The following ST18 variants were observed in gnomAD, a reference collection of about 807,000 sequenced individuals.
ST18 encodes the protein ST18 C2H2C-type zinc finger transcription factor, also known as suppression of tumorigenicity 18 protein.
A neutral mutation model predicts 110.0 loss-of-function variants in ST18; 50 were observed. That is an observed-to-expected ratio of 0.45 (90% CI 0.36 to 0.58). The LOEUF is 0.58. Ranked by LOEUF, ST18 falls within the 20% of genes least tolerant of loss-of-function variation. The probability of loss-of-function intolerance (pLI) is 0.00; values close to 1 mark genes in which losing one functional copy is unlikely to be tolerated. For missense variants in ST18, 1,306 were observed against 1,280.1 expected (o/e 1.02, Z -0.31); for synonymous variants, 461 against 452.4 (o/e 1.02, Z -0.24).
At chr8:52,121,497 T>C (rs1035314739) in intron 23 of ST18, among the ~76,000 whole-genome samples, 1 of 152,084 alleles carries the variant, frequency 6.6e-6, no homozygotes, top group African/African-American at 2.4e-5. Flanking sequence ...CTTCTTTCCA[T>C]GCACACAGTC....
At chr8:52,219,109 C>T (rs915319770) in intron 5 of ST18, among the ~76,000 whole-genome samples, 24 of 152,104 alleles carry the variant, frequency 1.6e-4, no homozygotes, top group African/African-American at 5.1e-4. Flanking sequence ...ATTGAGTGCC[C>T]TTTCTTTTGA....
chr8:52,270,661 T>C (rs1392375164), intron 2 of ST18, among the ~76,000 whole-genome samples: 1 of 152,102 alleles, frequency 6.6e-6, no homozygotes, highest in African/African-American at 2.4e-5. Flanking sequence ...ACACCCTGAA[T>C]ATACGCAACT....
intron 2 of ST18, among the ~76,000 whole-genome samples, chr8:52,386,652 G>T (rs1050587713): frequency 6.6e-6 from 1 of 152,068 alleles, no homozygotes; most frequent in Non-Finnish European, 1.5e-5. Context: ...GTTCATTTTT[G>T]AATATTATCT....
chr8:52,273,627 G>A (rs2095146205), intron 2 of ST18, among the ~76,000 whole-genome samples: 2 of 152,140 alleles, frequency 1.3e-5, no homozygotes, highest in African/African-American at 4.8e-5. Context: ...TACAACAAGA[G>A]AACACTGTTT....
At chr8:52,127,647 C>T (rs2047578030) in intron 22 of ST18, among the ~76,000 whole-genome samples, 1 of 152,172 alleles carries the variant, frequency 6.6e-6, no homozygotes, top group African/African-American at 2.4e-5. Context: ...TTCAGGGTGA[C>T]ACAGTGTTGT....
At chr8:52,296,829 A>C (rs905737382) in intron 2 of ST18, among the ~76,000 whole-genome samples, 3 of 152,222 alleles carry the variant, frequency 2.0e-5, no homozygotes. Flanking sequence ...TGCTTTAAAA[A>C]GGTTGCAGTC....
At chr8:52,213,130 G>C (rs2082813076) in intron 7 of ST18, among the ~76,000 whole-genome samples, 1 of 151,996 alleles carries the variant, frequency 6.6e-6, no homozygotes, top group Admixed American at 6.6e-5. Flanking sequence ...AGTAAGACTG[G>C]AAAATAATAC....
chr8:52,209,505 C>G (rs1017192057), intron 8 of ST18, among the ~76,000 whole-genome samples: 9 of 152,202 alleles, frequency 5.9e-5, no homozygotes, highest in African/African-American at 2.2e-4. Flanking sequence ...GGTGCAGTGG[C>G]TCACGCCTGT....
At chr8:52,242,775 G>T (rs2093540502) in intron 2 of ST18, among the ~76,000 whole-genome samples, 1 of 151,876 alleles carries the variant, frequency 6.6e-6, no homozygotes, top group South Asian at 2.1e-4. Context: ...GGGAGACTGA[G>T]GCAGAAGATT....
At chr8:52,398,136 A>G (rs1841776176) in intron 2 of ST18, among the ~76,000 whole-genome samples, 2 of 152,154 alleles carry the variant, frequency 1.3e-5, no homozygotes, top group African/African-American at 4.8e-5. Flanking sequence ...TTCAGCATAC[A>G]AATCTTTCAC....
chr8:52,270,187 T>G (rs1051548623), intron 2 of ST18, among the ~76,000 whole-genome samples: 1 of 152,238 alleles, frequency 6.6e-6, no homozygotes, highest in African/African-American at 2.4e-5. Flanking sequence ...GTGAATATAT[T>G]ACATATAAAA....
intron 10 of ST18, among the ~76,000 whole-genome samples, chr8:52,168,396 G>A (rs960989637): frequency 2.0e-5 from 3 of 151,928 alleles, no homozygotes; most frequent in African/African-American, 7.3e-5. Context: ...CACGGGATGC[G>A]ACAGACATTT....
chr8:52,240,294 A>G (rs2093271682), intron 2 of ST18, among the ~76,000 whole-genome samples: 2 of 152,156 alleles, frequency 1.3e-5, no homozygotes, highest in Non-Finnish European at 2.9e-5. Context: ...TGTAAATATA[A>G]TAATTAATAA....
chr8:52,168,292 C>G (rs1046776950), intron 10 of ST18, among the ~76,000 whole-genome samples: 1 of 149,646 alleles, frequency 6.7e-6, no homozygotes, highest in Non-Finnish European at 1.5e-5. Flanking sequence ...TGGTCCTGCC[C>G]GAGAAGATGC....
intron 8 of ST18, among the ~76,000 whole-genome samples, chr8:52,183,680 G>A (rs2134348361): frequency 6.6e-6 from 1 of 152,290 alleles, no homozygotes; most frequent in South Asian, 2.1e-4. Flanking sequence ...ACAAAAATAG[G>A]TAAAGATGGA....
chr8:52,117,061 A>G (rs1290255904), intron 24 of ST18, among the ~76,000 whole-genome samples: 3 of 152,178 alleles, frequency 2.0e-5, no homozygotes, highest in Non-Finnish European at 2.9e-5. Flanking sequence ...AGTTCTGCAC[A>G]CATTCAGAAT....
chr8:52,299,903 G>T (rs2095690934), intron 2 of ST18, among the ~76,000 whole-genome samples: 1 of 152,178 alleles, frequency 6.6e-6, no homozygotes, highest in African/African-American at 2.4e-5. Flanking sequence ...TAGCCCCTGG[G>T]TCCTGGCTCT....
intron 3 of ST18, among the ~76,000 whole-genome samples, chr8:52,223,873 T>A (rs908392285): frequency 6.6e-6 from 1 of 152,180 alleles, no homozygotes; most frequent in Non-Finnish European, 1.5e-5. Context: ...GTGGTTCTGA[T>A]ATAAACCATA....
chr8:52,189,236 G>A (rs2134694508), intron 8 of ST18, among the ~76,000 whole-genome samples: 1 of 152,224 alleles, frequency 6.6e-6, no homozygotes, highest in Admixed American at 6.5e-5. Flanking sequence ...CATATGTATG[G>A]CAGGAGCTAG....
Sources: gnomAD v4.1 joint callset for allele counts (sites outside exome capture counted in the v4.1 genomes callset) on GRCh38, gnomAD v4.1.1 for gene constraint, MANE v1.5 for transcripts, NCBI Gene and HGNC (gene_info 2026-07-23, HGNC 2026-07-21) for gene names.